Variants in ABCC6 observed in about 807,000 individuals in gnomAD.
ABCC6 encodes ATP-binding cassette sub-family C member 6.
Under a neutral mutation model 169.5 loss-of-function variants are expected in ABCC6, and 126 were observed. The observed-to-expected ratio is 0.74, with a 90% CI of 0.64 to 0.86. The LOEUF is 0.86. ABCC6 is among the 40% of genes least tolerant of loss of function. The probability of loss-of-function intolerance (pLI) is 0.00; values close to 1 mark genes in which losing one functional copy is unlikely to be tolerated. For missense variants in ABCC6, 1,733 were observed against 1,927.2 expected (o/e 0.90, Z 1.89); for synonymous variants, 752 against 814.7 (o/e 0.92, Z 1.31).
chr16:16,198,074 C>G lies in ABCC6; in HGVS notation c.1285G>C (p.Gly429Arg). 6.2e-7 allele frequency: 1 copy of G among 1,614,092 alleles called. No homozygotes were observed. The highest frequency in any genetic ancestry group is 1.6e-4 in the Middle Eastern group (1 of 6,062). The change falls in exon 10 of 31, where the codon GGG becomes CGG. Residue 429 changes from glycine (G) to arginine (R), a missense_variant. Transcript: ENST00000205557. ...ATCCAGACGAGAGGCAGCCACAGCC[C>G]GTTGAGGTAGAGGACGCTCTCGGTC... ...RLTESVLYLN[G>R]LWLPLVWIVV...
chr16:16,150,317 T>C lies in ABCC6; in HGVS notation c.4404-76A>G, dbSNP rs212098. 0.15 allele frequency: 234,453 copies of C among 1,601,114 alleles called. 18,039 individuals are homozygous for C. The highest frequency in any genetic ancestry group is 0.26 in the East Asian group (11,502 of 44,414). ...TCGGCAGCTGTGAGAGCCCAGTGTG[T>C]CTGCGCTGAGGTTTTCTCCATAGAA... On this transcript the variant is annotated intron_variant, in intron 30 of 30. Transcript: ENST00000205557.
intron 14 of ABCC6, among the ~76,000 whole-genome samples, chr16:16,186,348 G>C (rs779861215): frequency 6.6e-6 from 1 of 152,080 alleles, no homozygotes; most frequent in Non-Finnish European, 1.5e-5. Context: ...TGGTCTGTTA[G>C]AGCAGGAGTC....
intron 5 of ABCC6, among the ~76,000 whole-genome samples, chr16:16,213,460 T>A (rs920666234): frequency 6.6e-6 from 1 of 152,118 alleles, no homozygotes; most frequent in Non-Finnish European, 1.5e-5. Flanking sequence ...GTTTCTTGAT[T>A]TCACAGACTG....
At position 16,177,568 on chromosome 16, in the gene ABCC6, A is replaced by G. The variant is rs752527142; in HGVS notation, c.2474T>C (p.Val825Ala). 1 of 1,614,220 alleles carries G rather than the reference A, an allele frequency of 6.2e-7. No individual in the cohort carries two copies. Among genetic ancestry groups the G allele is most frequent in the Non-Finnish European group, 8.5e-7 (1 of 1,180,038 alleles). ...HILPQADWIIVLANGAIAEMG... is the reference protein window; with the variant it reads ...HILPQADWIIALANGAIAEMG... ...CTCTGCGATGGCCCCATTTGCCAGC[A>G]CTATGATCCAATCAGCCTGGGGCAG... Residue 825 changes from valine to alanine, a missense_variant, in exon 19 of 31, where the codon GTG (valine) becomes GCG (alanine). Around this residue, in one of 5 missense-constraint regions of ABCC6, gnomAD observed 1,601 missense variants for 1,635.5 expected, o/e 0.98. Transcript: ENST00000205557.
chr16:16,150,819 A>C (rs762639415), intron 29 of ABCC6, 47 bp from the exon 30 acceptor site: 5 of 1,598,018 alleles, frequency 3.1e-6, no homozygotes, highest in Non-Finnish European at 4.3e-6. Context: ...TTGTCGGCAC[A>C]TGGTGATGTG....
rs750332089 is a variant in ABCC6 at position 16,175,955 on chromosome 16, G to A, written c.2622C>T (p.Pro874=). 5.0e-6 allele frequency: 8 copies of A among 1,614,094 alleles called. No homozygotes were observed. The highest frequency in any genetic ancestry group is 6.8e-6 in the Non-Finnish European group (8 of 1,180,016). ...GCCTCCTGCCTGCAGAGGTGCCTCT[G>A]GGGTCCTTGGTGCTGGTCCCAGGTT... ...ETEPGTSTKD[P]RGTSAGRRPE... The change falls in exon 20 of 31, where the codon CCC becomes CCT. Residue 874 remains proline (P), a synonymous_variant. Transcript: ENST00000205557.
chr16:16,174,770 G>T (rs868490428), intron 20 of ABCC6, among the ~76,000 whole-genome samples: 1 of 75,162 alleles, frequency 1.3e-5, no homozygotes. Context: ...ACCCCCCCCC[G>T]CAAAAAACAA....
intron 5 of ABCC6, among the ~76,000 whole-genome samples, chr16:16,212,668 G>T (rs943317901): frequency 1.3e-5 from 2 of 151,696 alleles, no homozygotes; most frequent in Non-Finnish European, 2.9e-5. Flanking sequence ...CTTGCCAGGG[G>T]TGTAGACCAG....
chr16:16,200,993 G>A (rs542611615), intron 9 of ABCC6, among the ~76,000 whole-genome samples: 1 of 152,056 alleles, frequency 6.6e-6, no homozygotes, highest in Non-Finnish European at 1.5e-5. Context: ...CTGAGACGAG[G>A]TCTCGCTCTC....
chr16:16,152,870 G>A (rs954926008), intron 29 of ABCC6, among the ~76,000 whole-genome samples: 22 of 151,336 alleles, frequency 1.5e-4, no homozygotes, highest in African/African-American at 3.9e-4. Flanking sequence ...AGGGTCAGAG[G>A]GGTTTATAAA....
Position 16,204,021 on chromosome 16 carries a change from C to G in ABCC6, c.795-408G>C, listed in dbSNP as rs932557676. 4.6e-5 allele frequency among the ~76,000 whole-genome samples: 7 copies of G among 152,144 alleles called. No individual in the cohort carries two copies. The South Asian group carries it at 1.2e-3, about 27-fold the overall frequency. ...AAAGAACTGGAATTTGATTCCAGCT[C>G]TCTGCCTCCAGAGCCCATGCACTTT... is the stretch of plus-strand genomic sequence containing the variant. On this transcript the variant is annotated intron_variant, in intron 7 of 30. Transcript: ENST00000205557.
In ABCC6 at chr16:16,174,038, A is replaced by G. The variant is rs184989078; in HGVS notation, c.2667-634T>C. Among the ~76,000 whole-genome samples the G allele has an allele frequency of 1.2e-4, 19 of 152,284 alleles. 1 individual carries two copies. Among genetic ancestry groups the G allele is most frequent in the Admixed American group, 1.1e-3 (17 of 15,296 alleles). ...AGCTGTAAAAATAGGAATATTATCT[A>G]TCTATCCATCCATCCATTTATCCAT... On this transcript the variant is annotated intron_variant, in intron 20 of 30. Transcript: ENST00000205557.
chr16:16,176,635 A>G (rs1304985617), intron 19 of ABCC6, among the ~76,000 whole-genome samples: 3 of 152,250 alleles, frequency 2.0e-5, no homozygotes, highest in Non-Finnish European at 4.4e-5. Context: ...TCTCAGAAGA[A>G]GCAAAGCCTG....
intron 24 of ABCC6, among the ~76,000 whole-genome samples, chr16:16,162,287 G>T (rs1201341732): frequency 1.3e-5 from 2 of 152,144 alleles, no homozygotes; most frequent in Non-Finnish European, 2.9e-5. Context: ...AGCACCTAGT[G>T]TGTACTTGAC....
chr16:16,221,837 G>A lies in ABCC6; in HGVS notation c.37-6C>T. 1.9e-6 allele frequency: 3 copies of A among 1,612,842 alleles called. No individual in the cohort carries two copies. Among genetic ancestry groups the A allele is most frequent in the Non-Finnish European group, 2.5e-6 (3 of 1,179,680 alleles). Reference sequence around the variant, plus strand: ...GGCTCTGTCTGGTTCCAGACCTGAGGGAACACAAAGAGGACCCTTAGGATG... The same window carrying A: ...GGCTCTGTCTGGTTCCAGACCTGAGAGAACACAAAGAGGACCCTTAGGATG... On this transcript the variant is annotated splice_polypyrimidine_tract_variant and splice_region_variant and intron_variant, in intron 1 of 30. Transcript: ENST00000205557.
chr16:16,196,456 A>G (rs949760074), intron 10 of ABCC6, among the ~76,000 whole-genome samples: 1 of 152,178 alleles, frequency 6.6e-6, no homozygotes, highest in African/African-American at 2.4e-5. Context: ...TGATAATATT[A>G]CAAATACCTA....
At chr16:16,215,438 G>GGT (rs56229208) in intron 4 of ABCC6, among the ~76,000 whole-genome samples, 11,359 of 136,812 alleles carry the variant, frequency 0.083, 463 homozygotes, top group African/African-American at 0.11. Flanking sequence ...TTTAATTTTA[G>GGT]GTGTGTGTGT....
Position 16,195,303 on chromosome 16 carries a change from ATTTTTTTTTTTTT to A in ABCC6, c.1339-2394_1339-2382del, listed in dbSNP as rs61393724. Among the ~76,000 whole-genome samples, 5 of 96,618 alleles carry A rather than the reference ATTTTTTTTTTTTT, an allele frequency of 5.2e-5. No individual in the cohort carries two copies. The East Asian group carries it at 1.3e-3, about 24-fold the overall frequency. The allele number at this position is 96,618 out of a possible 152,430, so 63.4% of individuals were successfully genotyped here. A position where few individuals can be genotyped will look rare whatever the true frequency, so the allele number is the denominator to read the frequency against. ...ATGGATATCTTGTTGGTCTCATCTA[ATTTTTTTTTTTTT>A]TTTTTTTTTTTTTTTAGAAGGAGTC... On this transcript the variant is annotated intron_variant, in intron 10 of 30. Coordinates refer to ENST00000205557, the MANE Select transcript of ABCC6 (RefSeq NM_001171.6).
chr16:16,197,987 T>A lies in ABCC6; in HGVS notation c.1338+34A>T, dbSNP rs772840996. 3.7e-6 allele frequency: 6 copies of A among 1,604,652 alleles called. No homozygotes were observed. The South Asian group carries it at 6.7e-5, about 18-fold the overall frequency. On this transcript the variant is annotated intron_variant, in intron 10 of 30. Coordinates refer to ENST00000205557, the MANE Select transcript of ABCC6 (RefSeq NM_001171.6). ...GGGGGAGAAGGAGGGGGTGGGGGAC[T>A]CCGTTCAAATCCCGTCTTCCTCCTC...
Sources: gnomAD v4.1 joint callset for allele counts (sites outside exome capture counted in the v4.1 genomes callset) on GRCh38, gnomAD v4.1.1 for gene constraint, gnomAD v4.1.1 regional missense constraint, MANE v1.5 for transcripts, NCBI Gene and HGNC (gene_info 2026-07-23, HGNC 2026-07-21) for gene names.